TEAD1: variants seen among roughly 807,000 people sequenced by gnomAD.
TEAD1 encodes the protein TEA domain transcription factor 1, also known as transcriptional enhancer factor TEF-1.
TEAD1 carries 9 observed loss-of-function variants against 54.9 expected under a neutral mutation model. The observed-to-expected ratio is 0.16, with a 90% CI of 0.10 to 0.29. TEAD1 has a LOEUF of 0.29. Among genes scored for constraint, TEAD1 ranks in the 10% least tolerant of loss-of-function variants. TEAD1 has a pLI of 1.00. For missense variants in TEAD1, 387 were observed against 535.9 expected (o/e 0.72, Z 2.74); for synonymous variants, 200 against 187.8 (o/e 1.07, Z -0.53).
At chr11:12,734,960 A>G (rs184700998) in intron 2 of TEAD1, among the ~76,000 whole-genome samples, 1 of 152,376 alleles carries the variant, frequency 6.6e-6, no homozygotes, top group Admixed American at 6.5e-5. Flanking sequence ...AAAGAATTTG[A>G]AAGATCTAAG....
At chr11:12,783,141 C>A (rs1401578297) in intron 3 of TEAD1, among the ~76,000 whole-genome samples, 1 of 138,062 alleles carries the variant, frequency 7.2e-6, no homozygotes, top group African/African-American at 3.0e-5. Flanking sequence ...TGTGCGCGCA[C>A]TTTCTTTTTA....
chr11:12,820,825 T>A (rs1375466452), intron 3 of TEAD1, among the ~76,000 whole-genome samples: 1 of 152,166 alleles, frequency 6.6e-6, no homozygotes, highest in Non-Finnish European at 1.5e-5. Context: ...GTACATTAAC[T>A]TAAATAAATC....
intron 2 of TEAD1, among the ~76,000 whole-genome samples, chr11:12,682,855 G>GT (rs1254299281): frequency 6.6e-6 from 1 of 152,180 alleles, no homozygotes; most frequent in Non-Finnish European, 1.5e-5. Context: ...TGTGTGTATG[G>GT]TATTTCGTGA....
chr11:12,906,697 C>G (rs538748202), intron 10 of TEAD1, among the ~76,000 whole-genome samples: 4 of 152,190 alleles, frequency 2.6e-5, no homozygotes, highest in Non-Finnish European at 4.4e-5. Context: ...CTTATTTCCA[C>G]CCCCAGCCCC....
intron 2 of TEAD1, among the ~76,000 whole-genome samples, chr11:12,690,564 T>C (rs766164684): frequency 9.2e-5 from 14 of 152,254 alleles, no homozygotes; most frequent in South Asian, 2.1e-4. Context: ...ATGGGAAATT[T>C]AGATGTTGAC....
intron 2 of TEAD1, among the ~76,000 whole-genome samples, chr11:12,746,458 C>T (rs1944746462): frequency 6.6e-6 from 1 of 152,154 alleles, no homozygotes; most frequent in Admixed American, 6.5e-5. Context: ...TCATCCCCGT[C>T]TTGTCCTAAA....
chr11:12,842,141 T>A (rs1474194604), intron 3 of TEAD1, among the ~76,000 whole-genome samples: 3 of 152,172 alleles, frequency 2.0e-5, no homozygotes, highest in African/African-American at 7.2e-5. Context: ...TAGCTTGTCA[T>A]AACACATTAT....
intron 2 of TEAD1, among the ~76,000 whole-genome samples, chr11:12,712,936 T>C (rs1179590312): frequency 6.6e-6 from 1 of 152,212 alleles, no homozygotes; most frequent in Non-Finnish European, 1.5e-5. Context: ...GAAAGGTCTT[T>C]AGCCTTCTGT....
chr11:12,757,568 G>A (rs1945008254), intron 2 of TEAD1, among the ~76,000 whole-genome samples: 1 of 152,132 alleles, frequency 6.6e-6, no homozygotes, highest in African/African-American at 2.4e-5. Flanking sequence ...TTTACACTGT[G>A]CCTGGCTTAC....
At chr11:12,745,742 A>T (rs1296235675) in intron 2 of TEAD1, among the ~76,000 whole-genome samples, 1 of 152,056 alleles carries the variant, frequency 6.6e-6, no homozygotes, top group Admixed American at 6.5e-5. Context: ...ATCAAAATTA[A>T]TTGTTAAAAA....
chr11:12,934,459 T>G (rs35885134), intron 12 of TEAD1, among the ~76,000 whole-genome samples: 29,554 of 151,702 alleles, frequency 0.19, 3,008 homozygotes, highest in Admixed American at 0.24. Context: ...AGTTAATGGG[T>G]GCAGCACACC....
chr11:12,777,850 A>C (rs763949332), intron 3 of TEAD1, among the ~76,000 whole-genome samples: 1 of 152,156 alleles, frequency 6.6e-6, no homozygotes, highest in Non-Finnish European at 1.5e-5. Context: ...CAGCAACCAC[A>C]AACAGTTGTT....
intron 3 of TEAD1, among the ~76,000 whole-genome samples, chr11:12,771,778 A>G (rs751197806): frequency 7.2e-5 from 11 of 152,204 alleles, no homozygotes; most frequent in Non-Finnish European, 1.5e-4. Flanking sequence ...GCCCAGGCTC[A>G]CAATTTATCA....
At chr11:12,779,848 C>T (rs1945508461) in intron 3 of TEAD1, among the ~76,000 whole-genome samples, 1 of 152,112 alleles carries the variant, frequency 6.6e-6, no homozygotes, top group African/African-American at 2.4e-5. Flanking sequence ...TCAACAGATA[C>T]AGAAAAAGGA....
intron 3 of TEAD1, among the ~76,000 whole-genome samples, chr11:12,765,403 CAA>C (rs1313432481): frequency 3.9e-5 from 6 of 152,196 alleles, no homozygotes; most frequent in African/African-American, 1.4e-4. Context: ...GATGCAAACA[CAA>C]ATAACCTAAC....
chr11:12,849,846 T>G (rs990780482), intron 3 of TEAD1, among the ~76,000 whole-genome samples: 5 of 152,220 alleles, frequency 3.3e-5, no homozygotes, highest in Non-Finnish European at 4.4e-5. Context: ...ATTAAAAGAT[T>G]TGTGCCCTCT....
chr11:12,707,669 A>G (rs1943848819), intron 2 of TEAD1, among the ~76,000 whole-genome samples: 1 of 152,236 alleles, frequency 6.6e-6, no homozygotes, highest in South Asian at 2.1e-4. Context: ...TAAACACTAT[A>G]GTTGGCACAT....
intron 2 of TEAD1, among the ~76,000 whole-genome samples, chr11:12,688,920 T>C (rs1943393494): frequency 6.6e-6 from 1 of 152,110 alleles, no homozygotes; most frequent in African/African-American, 2.4e-5. Context: ...CTGGGGGTCA[T>C]TTATTTGCCT....
intron 4 of TEAD1, among the ~76,000 whole-genome samples, chr11:12,864,162 C>A (rs897751485): frequency 1.3e-5 from 2 of 151,892 alleles, no homozygotes; most frequent in South Asian, 4.2e-4. Context: ...ACGTTTGCTA[C>A]AGAATCCAGA....
Sources: gnomAD v4.1 joint callset for allele counts (sites outside exome capture counted in the v4.1 genomes callset) on GRCh38, gnomAD v4.1.1 for gene constraint, MANE v1.5 for transcripts, NCBI Gene and HGNC (gene_info 2026-07-23, HGNC 2026-07-21) for gene names.